Variants in CASZ1 observed in about 807,000 individuals in gnomAD.
The protein encoded by CASZ1 is castor zinc finger 1.
Under a neutral mutation model 135.2 loss-of-function variants are expected in CASZ1, and 28 were observed. The observed-to-expected ratio is 0.21, with a 90% confidence interval of 0.15 to 0.28. The LOEUF (loss-of-function observed/expected upper bound fraction) is 0.28. CASZ1 is among the 10% of genes least tolerant of loss of function. CASZ1 has a pLI of 1.00. For missense variants in CASZ1, 2,161 were observed against 2,453.3 expected (o/e 0.88, Z 2.52); for synonymous variants, 1,068 against 1,073.4 (o/e 0.99, Z 0.10).
intron 3 of CASZ1, chr1:10,704,059 C>T (rs1235388924): frequency 6.6e-6 from 1 of 152,226 alleles, no homozygotes; most frequent in Non-Finnish European, 1.5e-5. Context: ...CTAGAGGAAG[C>T]AAGGTTCTCG....
intron 1 of CASZ1, among the ~76,000 whole-genome samples, chr1:10,761,650 C>T (rs1640377241): frequency 6.6e-6 from 1 of 152,192 alleles, no homozygotes; most frequent in Admixed American, 6.5e-5. Context: ...TTTTGAATAT[C>T]CACTACACTC....
At chr1:10,738,918 GTTTTTTTT>G (rs752101102) in intron 2 of CASZ1, among the ~76,000 whole-genome samples, 3 of 69,176 alleles carry the variant, frequency 4.3e-5, no homozygotes, top group Non-Finnish European at 8.3e-5. Context: ...ATGAAGGAAG[GTTTTTTTT>G]TTTTTTTTTT....
rs574244333 is a variant in CASZ1, at chr1:10,659,953, G to A, written c.1089C>T (p.Ile363=). 256 of 1,612,698 alleles carry A rather than the reference G, an allele frequency of 1.6e-4. No individual in the cohort carries two copies. Among genetic ancestry groups the A allele is most frequent in the Non-Finnish European group, 2.1e-4 (242 of 1,179,974 alleles). Residue 363 remains isoleucine, a synonymous_variant, in exon 6 of 21, where the codon ATC becomes ATT. Transcript: ENST00000377022. The stretch of plus-strand genomic sequence containing the variant: ...GCCCCACCTTGCCTGTCTTGAAGGC[G>A]ATGGCCCCGCCCATGTCGGGGCTGC... ...GEGSPDMGGA[I]AFKTGKVGRP...
At position 10,767,582 on chromosome 1, in the gene CASZ1, G is replaced by C. The variant is rs969217987; in HGVS notation, c.-233-6725C>G. Among the ~76,000 whole-genome samples the C allele has an allele frequency of 2.0e-5, 3 of 152,196 alleles. No individual in the cohort carries two copies. The highest frequency in any genetic ancestry group is 1.5e-5 in the Non-Finnish European group (1 of 68,036). On this transcript the variant is annotated intron_variant, in intron 1 of 20. Transcript: ENST00000377022. This position sits in a 1 kb window ranked among gnomAD's most constrained non-coding sequence, Gnocchi z 4.2. ...TGGTCCACACCTGCTCGGAGACCAG[G>C]CTTGGTGGCTCAGCCCTTTCTGCCA... is the stretch of plus-strand genomic sequence containing the variant.
chr1:10,764,855 C>T (rs1212467889), intron 1 of CASZ1, among the ~76,000 whole-genome samples: 1 of 152,164 alleles, frequency 6.6e-6, no homozygotes, highest in Non-Finnish European at 1.5e-5. Flanking sequence ...CATGGTAATA[C>T]CCGGCGAGCA....
intron 4 of CASZ1, among the ~76,000 whole-genome samples, chr1:10,688,795 T>G (rs1638675000): frequency 6.6e-6 from 1 of 152,192 alleles, no homozygotes; most frequent in Non-Finnish European, 1.5e-5. Flanking sequence ...GCTGCTGCCC[T>G]GCACAGGTGG....
At chr1:10,682,475 G>A (rs570965157) in intron 4 of CASZ1, among the ~76,000 whole-genome samples, 14 of 152,280 alleles carry the variant, frequency 9.2e-5, no homozygotes, top group Admixed American at 3.9e-4. Context: ...TACCGAGAGG[G>A]GAAGTAGAGG....
In CASZ1 at chr1:10,759,801, AG is replaced by A. The variant is rs1466453610; in HGVS notation, c.-77+899del. ...ACACCGGCTCCAGGCTGGCACACAT[AG>A]GAAGAGCAGCCCCCGGCCCTGCCCT... On this transcript the variant is annotated intron_variant, in intron 2 of 20. Transcript: ENST00000377022. This position sits in a 1 kb window ranked among gnomAD's most constrained non-coding sequence, Gnocchi z 4.2. Among the ~76,000 whole-genome samples, 2 of 152,018 alleles carry A rather than the reference AG, an allele frequency of 1.3e-5. No individual in the cohort carries two copies. The highest frequency in any genetic ancestry group is 2.9e-5 in the Non-Finnish European group (2 of 67,978).
rs904487457 is a variant in CASZ1, at chr1:10,709,948, G to T, written c.-76-4404C>A. 6.6e-6 allele frequency among the ~76,000 whole-genome samples: 1 copy of T among 152,214 alleles called. No homozygotes were observed. The highest frequency in any genetic ancestry group is 1.5e-5 in the Non-Finnish European group (1 of 68,040). On this transcript the variant is annotated intron_variant, in intron 2 of 20. Coordinates refer to ENST00000377022, the MANE Select transcript of CASZ1 (RefSeq NM_001079843.3). This position sits in a 1 kb window ranked among gnomAD's most constrained non-coding sequence, Gnocchi z 5.1. ...CCAGGGAGGGGCGGTGGGGGTGGCT[G>T]TCCAGACCCCGGAGTCGGAGCAGGC... is the stretch of plus-strand genomic sequence containing the variant.
At chr1:10,723,104 T>C (rs1456694751) in intron 2 of CASZ1, among the ~76,000 whole-genome samples, 2 of 152,206 alleles carry the variant, frequency 1.3e-5, no homozygotes, top group Non-Finnish European at 2.9e-5. Context: ...GGCAAGTGGC[T>C]GGGAGTGGCA....
At chr1:10,661,156 C>G (rs934115896) in intron 5 of CASZ1, 1 of 155,358 alleles carries the variant, frequency 6.4e-6, no homozygotes, top group African/African-American at 2.4e-5. Context: ...GACAACACAG[C>G]TCAGCCAGGG....
rs937665647 is a variant in CASZ1 at position 10,776,554 on chromosome 1, C to A, written c.-233-15697G>T. Among the ~76,000 whole-genome samples the A allele has an allele frequency of 6.6e-6, 1 of 152,212 alleles. No homozygotes were observed. The highest frequency in any genetic ancestry group is 2.4e-5 in the African/African-American group (1 of 41,450). On this transcript the variant is annotated intron_variant, in intron 1 of 20. Coordinates refer to ENST00000377022, the MANE Select transcript of CASZ1 (RefSeq NM_001079843.3). The surrounding 1 kb of genome is among the most constrained non-coding windows in gnomAD (Gnocchi z 4.1). ...GAGACACATCCAGACAGGCAGTGAT[C>A]GATAAGCAGGTGCATGGGGCATGGG...
At chr1:10,678,592 G>A (rs1021696501) in intron 4 of CASZ1, among the ~76,000 whole-genome samples, 2 of 152,142 alleles carry the variant, frequency 1.3e-5, no homozygotes, top group Non-Finnish European at 2.9e-5. Context: ...GGGCCGCGCC[G>A]GCTCGCGCAG....
chr1:10,685,216 G>C (rs1256985924), intron 4 of CASZ1, among the ~76,000 whole-genome samples: 2 of 152,242 alleles, frequency 1.3e-5, no homozygotes, highest in African/African-American at 4.8e-5. Flanking sequence ...CAGGGGAGAA[G>C]GGCGGCCCTG....
rs138913571 is a variant in CASZ1, at chr1:10,731,535, G to C, written c.-76-25991C>G. On this transcript the variant is annotated intron_variant, in intron 2 of 20. Transcript: ENST00000377022. ...GGAGGTTGAGGCTGCAGTGAGCTCT[G>C]ATTGCGCCACTGAACTCCAGCCTGG... Among the ~76,000 whole-genome samples, 23 of 152,310 alleles carry C rather than the reference G, an allele frequency of 1.5e-4. No homozygotes were observed. In the East Asian group the frequency reaches 4.4e-3, roughly 29 times the overall value.
intron 2 of CASZ1, among the ~76,000 whole-genome samples, chr1:10,705,825 G>A (rs936130743): frequency 1.4e-4 from 22 of 152,384 alleles, no homozygotes; most frequent in Middle Eastern, 3.4e-3. Flanking sequence ...TAGCCAGGCG[G>A]AGAAGAGTCA....
intron 13 of CASZ1, chr1:10,649,677 C>G (rs563377408): frequency 6.1e-6 from 3 of 490,896 alleles, no homozygotes; most frequent in African/African-American, 3.8e-5. Flanking sequence ...CACATGAGCC[C>G]GTGCCGCGGG....
At position 10,646,728 on chromosome 1, in the gene CASZ1, G is replaced by C. The variant is rs1254275449; in HGVS notation, c.3498-402C>G. Among the ~76,000 whole-genome samples, 5 of 152,248 alleles carry C rather than the reference G, an allele frequency of 3.3e-5. No individual in the cohort carries two copies. Among genetic ancestry groups the C allele is most frequent in the Admixed American group, 3.3e-4 (5 of 15,290 alleles). On this transcript the variant is annotated intron_variant, in intron 16 of 20. Transcript: ENST00000377022. This position sits in a 1 kb window ranked among gnomAD's most constrained non-coding sequence, Gnocchi z 6.4. Reference sequence around the variant, plus strand: ...GCTGGCGTGGCATGGGCGCCACCGTGGATGTGGCTGACAGACTGCAGATGG... The same window carrying C: ...GCTGGCGTGGCATGGGCGCCACCGTCGATGTGGCTGACAGACTGCAGATGG...
Position 10,649,328 on chromosome 1 carries a change from A to G in CASZ1, c.2990T>C (p.Leu997Pro). 6.3e-7 allele frequency: 1 copy of G among 1,597,396 alleles called. No homozygotes were observed. The highest frequency in any genetic ancestry group is 8.5e-7 in the Non-Finnish European group (1 of 1,172,116). ...SPFLGKAVKA[L>P]VQEKLAEPWK... ...GGGCTCTGCCAACTTCTCCTGAACC[A>G]GCGCCTTCACGGCCTTGCCTAGGAA... The change falls in exon 14 of 21, where the codon CTG becomes CCG. Residue 997 changes from leucine (L) to proline (P), a missense_variant. Leu to Pro is a moderately conservative substitution (Grantham distance 98). Coordinates refer to ENST00000377022, the MANE Select transcript of CASZ1 (RefSeq NM_001079843.3).
Sources: gnomAD v4.1 joint callset for allele counts (sites outside exome capture counted in the v4.1 genomes callset) on GRCh38, gnomAD v4.1.1 for gene constraint, Gnocchi (gnomAD v3.1) non-coding constraint, MANE v1.5 for transcripts, NCBI Gene and HGNC (gene_info 2026-07-23, HGNC 2026-07-21) for gene names.